ABCA5: variants seen among roughly 807,000 people sequenced by gnomAD.
The protein encoded by ABCA5 is ATP binding cassette subfamily A member 5, also known as cholesterol transporter ABCA5.
In ABCA5, 163 loss-of-function variants were observed where a neutral mutation model predicts 206.0. The observed-to-expected ratio is 0.79, with a 90% confidence interval of 0.70 to 0.90. The LOEUF (loss-of-function observed/expected upper bound fraction) is 0.90, where lower values mean the gene tolerates loss of function less well. Ranked by LOEUF, ABCA5 falls within the 40% of genes least tolerant of loss-of-function variation. ABCA5 has a pLI of 0.00. For synonymous variants in ABCA5, 609 were observed against 613.8 expected (o/e 0.99, Z 0.11); for missense variants, 1,859 against 1,912.9 (o/e 0.97, Z 0.53).
rs935670435 is a variant in ABCA5 at position 69,251,859 on chromosome 17, T to C, written c.4423A>G (p.Ile1475Val). The C allele has an allele frequency of 6.2e-7, 1 of 1,613,124 alleles. No individual in the cohort carries two copies. The highest frequency in any genetic ancestry group is 1.3e-5 in the African/African-American group (1 of 74,986). Reference sequence around the variant, plus strand: ...TTTCTGTTTTTAAATGCAGTTCGAATTGCTCGCCTATAAAACATAAATAAA... The same window carrying C: ...TTTCTGTTTTTAAATGCAGTTCGAACTGCTCGCCTATAAAACATAAATAAA... ...PKAKQHMWRA[I>V]RTAFKNRKRA... Residue 1475 changes from isoleucine to valine, a missense_variant, in exon 35 of 39, where the codon ATT becomes GTT. Ile to Val is a conservative substitution (Grantham distance 29, BLOSUM62 3). Transcript: ENST00000392676.
chr17:69,266,985 C>T (rs2075216517), intron 23 of ABCA5, among the ~76,000 whole-genome samples: 1 of 151,926 alleles, frequency 6.6e-6, no homozygotes. Context: ...AGTGATTCTC[C>T]TGCCTCACCC....
At chr17:69,260,591 G>A (rs1439471119) in intron 26 of ABCA5, among the ~76,000 whole-genome samples, 179 bp from the exon 27 acceptor site, 1 of 151,874 alleles carries the variant, frequency 6.6e-6, no homozygotes, top group African/African-American at 2.4e-5. Context: ...CTGAGGATCA[G>A]TATAAATTAA....
rs558356410 is a variant in ABCA5 at position 69,283,875 on chromosome 17, T to C, written c.2392+78A>G. On this transcript the variant is annotated intron_variant, in intron 18 of 38. Coordinates refer to ENST00000392676, the MANE Select transcript of ABCA5 (RefSeq NM_172232.4). ...CCTTTATTCTAAAAAAAATATAAAATTACATTTATATAATTTTTGTCTTAT... is the reference window on the plus strand; with the variant it reads ...CCTTTATTCTAAAAAAAATATAAAACTACATTTATATAATTTTTGTCTTAT... 265 of 1,387,160 alleles carry C rather than the reference T, an allele frequency of 1.9e-4. 1 individual carries two copies. In the African/African-American group the frequency reaches 3.8e-3, roughly 20 times the overall value. The allele number at this position is 1,387,160 out of a possible 1,614,324, so 85.9% of individuals were successfully genotyped here. A position where few individuals can be genotyped will look rare whatever the true frequency, so the allele number is the denominator to read the frequency against.
chr17:69,288,722 GAAAGA>G (rs2075490566), intron 14 of ABCA5, among the ~76,000 whole-genome samples: 3 of 2,146 alleles, frequency 1.4e-3, no homozygotes, highest in Admixed American at 0.02. Flanking sequence ...AAAAAAAGAA[GAAAGA>G]AAGAAAGAAA....
chr17:69,264,302 G>A (rs2075183753), intron 24 of ABCA5, among the ~76,000 whole-genome samples: 1 of 152,022 alleles, frequency 6.6e-6, no homozygotes, highest in Non-Finnish European at 1.5e-5. Flanking sequence ...TGTGGCTATT[G>A]TAAATGGAGT....
chr17:69,322,155 A>C (rs1452814453), intron 1 of ABCA5, among the ~76,000 whole-genome samples: 1 of 152,054 alleles, frequency 6.6e-6, no homozygotes, highest in African/African-American at 2.4e-5. Context: ...GAAGATCACG[A>C]GGTCAGGAGA....
chr17:69,252,938 C>G (rs2075033393), intron 34 of ABCA5, among the ~76,000 whole-genome samples: 1 of 151,678 alleles, frequency 6.6e-6, no homozygotes, highest in Non-Finnish European at 1.5e-5. Context: ...AACAGTGATT[C>G]CATAAGATTA....
chr17:69,251,777 C>T lies in ABCA5; in HGVS notation c.4505G>A (p.Arg1502Gln), dbSNP rs1375340645. The T allele has an allele frequency of 3.7e-6, 6 of 1,613,886 alleles. No homozygotes were observed. The highest frequency in any genetic ancestry group is 2.2e-5 in the East Asian group (1 of 44,876). ...CTGCCCAGACACCATGATAGCTACT[C>T]GATCACAGACAGCCTCTGCCTCCTC... ...YMEEAEAVCD[R>Q]VAIMVSGQLR... Residue 1502 changes from arginine (R) to glutamine (Q), a missense_variant, in exon 35 of 39, where the codon CGA becomes CAA. Physicochemically the swap from Arg to Gln is conservative, Grantham distance 43 (BLOSUM62 1). Transcript: ENST00000392676.
At chr17:69,250,020 A>T in intron 36 of ABCA5, 36 bp from the exon 37 acceptor site, 5 of 1,298,468 alleles carry the variant, frequency 3.9e-6, no homozygotes, top group Non-Finnish European at 5.2e-6. Context: ...AAAAATTAAA[A>T]ATTACTACTA....
intron 19 of ABCA5, among the ~76,000 whole-genome samples, chr17:69,275,559 T>A (rs471193): frequency 0.21 from 31,646 of 152,140 alleles, 3,963 homozygotes; most frequent in East Asian, 0.5. Flanking sequence ...CACAATTAAA[T>A]AATATTTGGA....
At position 69,274,839 on chromosome 17, in the gene ABCA5, C is replaced by CTTTTTTTTTTTTTTTTTTTTT. The variant is rs3052556; in HGVS notation, c.2595-732_2595-712dup. ...GTCCTGTCTCTATCTTAACCATTTA[C>CTTTTTTTTTTTTTTTTTTTTT]TTTTTTTTTTTTTTTTTTTTTTGAG... On this transcript the variant is annotated intron_variant, in intron 19 of 38. Transcript: ENST00000392676. 5.8e-5 allele frequency among the ~76,000 whole-genome samples: 5 copies of CTTTTTTTTTTTTTTTTTTTTT among 85,754 alleles called. 1 individual carries two copies. Among genetic ancestry groups the CTTTTTTTTTTTTTTTTTTTTT allele is most frequent in the African/African-American group, 2.2e-4 (5 of 22,710 alleles). 56.3% of individuals were successfully genotyped at this position (85,754 alleles called of 152,430 possible). A position where few individuals can be genotyped will look rare whatever the true frequency, so the allele number is the denominator to read the frequency against.
At chr17:69,287,825 A>G in intron 14 of ABCA5, 74 bp from the exon 15 acceptor site, 1 of 1,320,976 alleles carries the variant, frequency 7.6e-7, no homozygotes, top group East Asian at 2.6e-5. Context: ...GTGGACACTA[A>G]AAAACTGCCC....
At chr17:69,289,116 C>A (rs991167673) in intron 14 of ABCA5, 61 bp downstream of exon 14, 9 of 1,518,136 alleles carry the variant, frequency 5.9e-6, no homozygotes, top group African/African-American at 1.4e-5. Flanking sequence ...CTTTCTACAA[C>A]CTGCTTTTTA....
chr17:69,253,588 G>C lies in ABCA5; in HGVS notation c.4400C>G (p.Ala1467Gly). Residue 1467 changes from alanine (A) to glycine (G), a missense_variant, in exon 34 of 39, where the codon GCC (alanine) becomes GGC (glycine). Ala to Gly is a moderately conservative substitution (Grantham distance 60). Coordinates refer to ENST00000392676, the MANE Select transcript of ABCA5 (RefSeq NM_172232.4). ...CCATACTCACCACATGTGCTGTTTG[G>C]CTTTGGGATCCATACCTGTAGATGG... ...DEPSTGMDPK[A>G]KQHMWRAIRT... is the part of the protein sequence containing the mutation. 4 of 1,613,312 alleles carry C rather than the reference G, an allele frequency of 2.5e-6. No homozygotes were observed. The highest frequency in any genetic ancestry group is 2.5e-6 in the Non-Finnish European group (3 of 1,179,404).
chr17:69,293,746 A>G (rs1466679410), intron 11 of ABCA5, among the ~76,000 whole-genome samples: 3 of 152,124 alleles, frequency 2.0e-5, no homozygotes, highest in Non-Finnish European at 2.9e-5. Context: ...CCTGCCTTAC[A>G]GATTTCTACA....
At chr17:69,322,274 G>A (rs1307680625) in intron 1 of ABCA5, among the ~76,000 whole-genome samples, 2 of 149,604 alleles carry the variant, frequency 1.3e-5, no homozygotes, top group Non-Finnish European at 3.0e-5. Flanking sequence ...GGAGGCTGAG[G>A]CAGGAGAATC....
At chr17:69,263,800 G>A (rs369225887) in intron 24 of ABCA5, among the ~76,000 whole-genome samples, 6 of 146,574 alleles carry the variant, frequency 4.1e-5, no homozygotes, top group Non-Finnish European at 7.4e-5. Context: ...CGGTTCAAGC[G>A]ATTCTCCTGC....
intron 7 of ABCA5, among the ~76,000 whole-genome samples, chr17:69,303,850 ATATATG>A (rs1209560839): frequency 2.5e-5 from 1 of 40,522 alleles, no homozygotes; most frequent in African/African-American, 7.7e-5. Context: ...ACATACATAT[ATATATG>A]TATATATATA....
At chr17:69,275,437 C>G (rs1397639275) in intron 19 of ABCA5, among the ~76,000 whole-genome samples, 1 of 151,890 alleles carries the variant, frequency 6.6e-6, no homozygotes, top group Admixed American at 6.6e-5. Context: ...TTTCACATAC[C>G]CCGTAATTTT....
Sources: gnomAD v4.1 joint callset for allele counts (sites outside exome capture counted in the v4.1 genomes callset) on GRCh38, gnomAD v4.1.1 for gene constraint, MANE v1.5 for transcripts, NCBI Gene and HGNC (gene_info 2026-07-23, HGNC 2026-07-21) for gene names.